The following CARMIL1 variants were observed in gnomAD, a reference collection of about 807,000 sequenced individuals.
CARMIL1 encodes capping protein regulator and myosin 1 linker 1.
CARMIL1 carries 90 observed loss-of-function variants against 177.1 expected under a neutral mutation model. That is an observed-to-expected ratio of 0.51 (90% CI 0.43 to 0.61). The LOEUF (loss-of-function observed/expected upper bound fraction) is 0.61, where lower values mean the gene tolerates loss of function less well. Among genes scored for constraint, CARMIL1 ranks in the 20% least tolerant of loss-of-function variants. The pLI, the probability that CARMIL1 is intolerant of heterozygous loss-of-function variation, is 0.00. For missense variants in CARMIL1, 1,380 were observed against 1,667.0 expected (o/e 0.83, Z 3.00); for synonymous variants, 577 against 606.2 (o/e 0.95, Z 0.71).
chr6:25,407,013 G>C (rs775822658), intron 2 of CARMIL1, among the ~76,000 whole-genome samples: 4 of 152,124 alleles, frequency 2.6e-5, no homozygotes, highest in Non-Finnish European at 5.9e-5. Context: ...AGCATGAAGG[G>C]CCATGCCCAG....
At chr6:25,576,331 TAAGGTATCATC>T (rs1812583447) in intron 29 of CARMIL1, among the ~76,000 whole-genome samples, 1 of 152,172 alleles carries the variant, frequency 6.6e-6, no homozygotes, top group African/African-American at 2.4e-5. Context: ...CACTAAGGTA[TAAGGTATCATC>T]AATATTGAAT....
chr6:25,280,607 G>A (rs1781011372), intron 1 of CARMIL1, among the ~76,000 whole-genome samples: 1 of 151,152 alleles, frequency 6.6e-6, no homozygotes, highest in African/African-American at 2.4e-5. Context: ...TTTTGGTGGT[G>A]GTGGGGGCGG....
intron 2 of CARMIL1, among the ~76,000 whole-genome samples, chr6:25,387,411 T>C (rs1439783202): frequency 6.6e-6 from 1 of 152,248 alleles, no homozygotes; most frequent in African/African-American, 2.4e-5. Context: ...GCTGAATCTG[T>C]TGAACACTAT....
intron 24 of CARMIL1, among the ~76,000 whole-genome samples, chr6:25,532,952 T>C (rs2151111609): frequency 6.6e-6 from 1 of 152,260 alleles, no homozygotes; most frequent in Non-Finnish European, 1.5e-5. Flanking sequence ...AAACTGTAGT[T>C]ATAAAAACAG....
intron 32 of CARMIL1, among the ~76,000 whole-genome samples, chr6:25,595,085 C>T (rs1814694678): frequency 2.0e-5 from 3 of 152,208 alleles, no homozygotes. Flanking sequence ...GAAGTTTTCT[C>T]CTCATTTTCT....
At chr6:25,542,229 T>A (rs1015221729) in intron 26 of CARMIL1, among the ~76,000 whole-genome samples, 3 of 152,210 alleles carry the variant, frequency 2.0e-5, no homozygotes, top group Admixed American at 6.5e-5. Context: ...CTTATACCTT[T>A]GGTGTTCGTT....
At chr6:25,497,334 A>G (rs947276839) in intron 16 of CARMIL1, among the ~76,000 whole-genome samples, 2 of 152,086 alleles carry the variant, frequency 1.3e-5, no homozygotes, top group Non-Finnish European at 2.9e-5. Context: ...CATTATCCCC[A>G]TTTTACAGCT....
chr6:25,457,456 G>A (rs536847851), intron 8 of CARMIL1, among the ~76,000 whole-genome samples: 5 of 152,090 alleles, frequency 3.3e-5, no homozygotes, highest in East Asian at 3.8e-4. Context: ...GAGTGGTTCC[G>A]CTAATAATTT....
chr6:25,396,732 T>G (rs1261675683), intron 2 of CARMIL1, among the ~76,000 whole-genome samples: 1 of 152,190 alleles, frequency 6.6e-6, no homozygotes, highest in African/African-American at 2.4e-5. Context: ...CAACCTTTGC[T>G]GTCAGTAGAA....
At chr6:25,435,672 A>G (rs1207274182) in intron 5 of CARMIL1, 68 bp downstream of exon 5, 2 of 1,477,238 alleles carry the variant, frequency 1.4e-6, no homozygotes, top group African/African-American at 1.4e-5. Context: ...AAATACAACA[A>G]TGCCTTCTTT....
chr6:25,585,934 C>T (rs1051188421), intron 31 of CARMIL1, among the ~76,000 whole-genome samples: 1 of 152,226 alleles, frequency 6.6e-6, no homozygotes, highest in South Asian at 2.1e-4. Context: ...ATGGAGTCTC[C>T]TATGTCTACT....
chr6:25,599,429 G>T (rs1464097802), intron 32 of CARMIL1, among the ~76,000 whole-genome samples: 1 of 152,028 alleles, frequency 6.6e-6, no homozygotes. Flanking sequence ...TATTTTAATG[G>T]CGATTCAGGG....
At chr6:25,563,794 C>T in intron 29 of CARMIL1, 1 of 985,376 alleles carries the variant, frequency 1.0e-6, no homozygotes, top group South Asian at 4.7e-5. Flanking sequence ...CACAGAACCA[C>T]CGTCTGTGTA....
chr6:25,401,749 T>G (rs1793898444), intron 2 of CARMIL1, among the ~76,000 whole-genome samples: 3 of 152,188 alleles, frequency 2.0e-5, no homozygotes, highest in African/African-American at 7.2e-5. Flanking sequence ...GATGAATAAA[T>G]GAACCCCATT....
chr6:25,483,678 T>A (rs1259942117), intron 12 of CARMIL1, among the ~76,000 whole-genome samples: 9 of 82,028 alleles, frequency 1.1e-4, no homozygotes, highest in Middle Eastern at 0.019. Flanking sequence ...TCTATCTCTG[T>A]CTCAAAAAAA....
chr6:25,607,620 A>G (rs921037277), intron 35 of CARMIL1, among the ~76,000 whole-genome samples: 2 of 152,216 alleles, frequency 1.3e-5, no homozygotes, highest in Non-Finnish European at 2.9e-5. Flanking sequence ...GTAAAGTAGG[A>G]TGCACAGCTC....
intron 8 of CARMIL1, among the ~76,000 whole-genome samples, chr6:25,461,898 G>T (rs1255916750): frequency 6.6e-6 from 1 of 151,628 alleles, no homozygotes; most frequent in African/African-American, 2.4e-5. Context: ...TCTCTTTTTG[G>T]TTTTTCCCTA....
chr6:25,570,154 C>T (rs928020618), intron 29 of CARMIL1, among the ~76,000 whole-genome samples: 2 of 152,126 alleles, frequency 1.3e-5, no homozygotes, highest in African/African-American at 4.8e-5. Flanking sequence ...TTAGTAGAGA[C>T]GGGGTTTCAC....
intron 2 of CARMIL1, among the ~76,000 whole-genome samples, chr6:25,390,320 A>ATATATTTTTTT (rs1554184839): frequency 3.4e-5 from 2 of 58,104 alleles, no homozygotes; most frequent in Non-Finnish European, 6.7e-5. Flanking sequence ...ATATATATAT[A>ATATATTTTTTT]TTTTTTTTTT....
Sources: allele counts gnomAD v4.1 joint callset (sites outside exome capture counted in the v4.1 genomes callset), GRCh38; gene constraint gnomAD v4.1.1; transcripts MANE v1.5; gene names NCBI Gene and HGNC (gene_info 2026-07-23, HGNC 2026-07-21).